Variants in ARHGEF33 observed in about 807,000 individuals in gnomAD.
ARHGEF33 encodes Rho guanine nucleotide exchange factor 33.
In ARHGEF33, 72 loss-of-function variants were observed where a neutral mutation model predicts 101.9. That is an observed-to-expected ratio of 0.71 (90% CI 0.58 to 0.86). The LOEUF is 0.86. Ranked by LOEUF, ARHGEF33 falls within the 40% of genes least tolerant of loss-of-function variation. The pLI is 0.00. For synonymous variants in ARHGEF33, 499 were observed against 442.5 expected, an observed-to-expected ratio of 1.13 and a Z score of -1.60; for missense variants, 1,169 against 1,111.3, an observed-to-expected ratio of 1.05 and a Z score of -0.74.
intron 6 of ARHGEF33, 61 bp downstream of exon 6, chr2:38,929,891 A>T: frequency 6.9e-7 from 1 of 1,454,038 alleles, no homozygotes; most frequent in Non-Finnish European, 9.4e-7. Context: ...CTGCAGAGGC[A>T]CCTGGTACAC....
chr2:38,946,392 C>A (rs529176736), intron 10 of ARHGEF33, among the ~76,000 whole-genome samples: 2 of 152,056 alleles, frequency 1.3e-5, no homozygotes, highest in Non-Finnish European at 2.9e-5. Flanking sequence ...AAGATATCTG[C>A]GATAATGCTA....
intron 17 of ARHGEF33, chr2:38,972,090 G>A (rs1668177419): frequency 1.6e-6 from 1 of 636,060 alleles, no homozygotes; most frequent in Non-Finnish European, 2.9e-6. Context: ...GTCCTGTGGG[G>A]GAACAAGAAG....
chr2:38,910,907 A>G (rs907974034), intron 2 of ARHGEF33, among the ~76,000 whole-genome samples: 3 of 152,190 alleles, frequency 2.0e-5, no homozygotes, highest in Non-Finnish European at 4.4e-5. Context: ...TTAAATTTAG[A>G]GAAACATAGA....
intron 11 of ARHGEF33, among the ~76,000 whole-genome samples, chr2:38,952,363 G>T (rs1049109503): frequency 1.3e-5 from 2 of 152,114 alleles, no homozygotes; most frequent in Non-Finnish European, 2.9e-5. Context: ...TAGAAGCTGA[G>T]AATGATTTTC....
intron 17 of ARHGEF33, 124 bp from the exon 18 acceptor site, chr2:38,973,589 TA>T: frequency 9.3e-7 from 1 of 1,074,322 alleles, no homozygotes; most frequent in Non-Finnish European, 1.3e-6. Flanking sequence ...TTCAGGGGAG[TA>T]AAAAGTATTC....
intron 17 of ARHGEF33, chr2:38,969,277 C>T (rs1256970344): frequency 6.0e-6 from 1 of 165,858 alleles, no homozygotes; most frequent in Non-Finnish European, 1.5e-5. Context: ...CAGAGCCTGG[C>T]CTCACAGGTC....
At chr2:38,894,644 A>G (rs879199691) in intron 1 of ARHGEF33, among the ~76,000 whole-genome samples, 2 of 152,150 alleles carry the variant, frequency 1.3e-5, no homozygotes, top group South Asian at 2.1e-4. Flanking sequence ...GTCTCCACCT[A>G]TCTCACTGAT....
chr2:38,962,725 C>G (rs901104287), intron 16 of ARHGEF33, among the ~76,000 whole-genome samples: 1 of 151,860 alleles, frequency 6.6e-6, no homozygotes, highest in African/African-American at 2.4e-5. Context: ...TTAAAAGGCC[C>G]TGGTTGTGGC....
intron 2 of ARHGEF33, among the ~76,000 whole-genome samples, chr2:38,910,236 G>T (rs1353849333): frequency 6.6e-6 from 1 of 152,168 alleles, no homozygotes; most frequent in Non-Finnish European, 1.5e-5. Context: ...TTTCAATAAT[G>T]TATGTTTTCC....
chr2:38,929,605 C>T, intron 5 of ARHGEF33, 104 bp from the exon 6 acceptor site: 1 of 879,194 alleles, frequency 1.1e-6, no homozygotes, highest in Non-Finnish European at 1.6e-6. Context: ...TTCATTCATT[C>T]ATTCATTCAA....
At chr2:38,938,730 C>A (rs1036031365) in intron 9 of ARHGEF33, among the ~76,000 whole-genome samples, 1 of 152,092 alleles carries the variant, frequency 6.6e-6, no homozygotes, top group Non-Finnish European at 1.5e-5. Context: ...TTCTTTCATG[C>A]ACTTTGCCAG....
At chr2:38,920,638 C>A (rs998715433) in intron 3 of ARHGEF33, among the ~76,000 whole-genome samples, 1 of 151,994 alleles carries the variant, frequency 6.6e-6, no homozygotes. Context: ...GAACTCCTAA[C>A]CTCAGGTGAT....
At chr2:38,957,760 T>C (rs1572775911) in intron 14 of ARHGEF33, 1 of 379,862 alleles carries the variant, frequency 2.6e-6, no homozygotes, top group Middle Eastern at 7.5e-4. Context: ...AAAAAGATGC[T>C]GTCTCCCAAG....
intron 9 of ARHGEF33, among the ~76,000 whole-genome samples, chr2:38,942,726 A>AT (rs1667345946): frequency 6.6e-6 from 1 of 151,974 alleles, no homozygotes; most frequent in Admixed American, 6.5e-5. Flanking sequence ...CCCCCTCCTT[A>AT]TAAAAAAAAT....
chr2:38,921,989 TG>T (rs1201961019), intron 4 of ARHGEF33, among the ~76,000 whole-genome samples: 2 of 152,142 alleles, frequency 1.3e-5, no homozygotes, highest in Non-Finnish European at 2.9e-5. Context: ...TTTTAAACAA[TG>T]GAAACAATTT....
intron 13 of ARHGEF33, among the ~76,000 whole-genome samples, chr2:38,955,473 T>C (rs898933472): frequency 8.1e-6 from 1 of 123,240 alleles, no homozygotes; most frequent in Non-Finnish European, 1.7e-5. Flanking sequence ...GCATCAATAT[T>C]GAAAAGACTT....
intron 3 of ARHGEF33, among the ~76,000 whole-genome samples, chr2:38,920,037 C>G (rs1389480418): frequency 6.6e-6 from 1 of 152,168 alleles, no homozygotes; most frequent in Non-Finnish European, 1.5e-5. Flanking sequence ...TGGGTAACCT[C>G]ACATCATATG....
At chr2:38,918,984 G>A (rs189648833) in intron 2 of ARHGEF33, among the ~76,000 whole-genome samples, 206 of 152,070 alleles carry the variant, frequency 1.4e-3, no homozygotes, top group African/African-American at 4.3e-3. Context: ...AGGTCAAAGC[G>A]GCAGTGAGCC....
intron 13 of ARHGEF33, among the ~76,000 whole-genome samples, chr2:38,956,449 T>A (rs1298029633): frequency 6.6e-6 from 1 of 152,228 alleles, no homozygotes; most frequent in African/African-American, 2.4e-5. Context: ...GTCCTAGGCA[T>A]GTTCCACTAC....
Sources: allele counts gnomAD v4.1 joint callset (sites outside exome capture counted in the v4.1 genomes callset), GRCh38; gene constraint gnomAD v4.1.1; transcripts MANE v1.5; gene names NCBI Gene and HGNC (gene_info 2026-07-23, HGNC 2026-07-21).